Variants in SUCLG2 observed in about 807,000 individuals in gnomAD.
SUCLG2 encodes the protein succinate--CoA ligase [GDP-forming] subunit beta, mitochondrial.
In SUCLG2, 42 loss-of-function variants were observed where a neutral mutation model predicts 47.9. That is an observed-to-expected ratio of 0.88 (90% CI 0.69 to 1.14). The LOEUF (loss-of-function observed/expected upper bound fraction) is 1.14, where lower values mean the gene tolerates loss of function less well. SUCLG2 is among the 50% of genes most tolerant of loss of function. The probability of loss-of-function intolerance (pLI) is 0.00; values close to 1 mark genes in which losing one functional copy is unlikely to be tolerated. For synonymous variants in SUCLG2, 195 were observed against 197.3 expected, an observed-to-expected ratio of 0.99 and a Z score of 0.10; for missense variants, 571 against 525.9, an observed-to-expected ratio of 1.09 and a Z score of -0.84.
intron 1 of SUCLG2, among the ~76,000 whole-genome samples, chr3:67,622,866 C>T (rs1388991847): frequency 1.3e-5 from 2 of 152,166 alleles, no homozygotes; most frequent in African/African-American, 4.8e-5. Flanking sequence ...AGCACCCATC[C>T]CTGTGCTTAG....
intron 1 of SUCLG2, among the ~76,000 whole-genome samples, chr3:67,639,760 C>T (rs1303100732): frequency 6.6e-6 from 1 of 152,106 alleles, no homozygotes; most frequent in African/African-American, 2.4e-5. Flanking sequence ...TCTCTAAACC[C>T]CTTTGAGTTT....
intron 9 of SUCLG2, among the ~76,000 whole-genome samples, chr3:67,486,170 T>C (rs1159906628): frequency 1.3e-5 from 2 of 151,870 alleles, no homozygotes; most frequent in Non-Finnish European, 2.9e-5. Context: ...GAGGCTGAGG[T>C]GGGAGGATCT....
intron 10 of SUCLG2, among the ~76,000 whole-genome samples, chr3:67,364,230 T>C (rs1252521058): frequency 6.6e-6 from 1 of 152,110 alleles, no homozygotes; most frequent in East Asian, 1.9e-4. Context: ...GCCTGGGTGG[T>C]ATTAGAAAGG....
chr3:67,494,653 A>G (rs188066732), intron 9 of SUCLG2, among the ~76,000 whole-genome samples: 1 of 152,288 alleles, frequency 6.6e-6, no homozygotes, highest in East Asian at 1.9e-4. Context: ...AAAATTAAAG[A>G]AAAAGTTTTA....
intron 1 of SUCLG2, among the ~76,000 whole-genome samples, chr3:67,638,470 C>T (rs552212767): frequency 2.6e-5 from 4 of 152,316 alleles, no homozygotes; most frequent in African/African-American, 4.8e-5. Context: ...GGGCAGCACA[C>T]AGCTGAATGC....
chr3:67,609,756 A>T (rs1283118168), intron 1 of SUCLG2, among the ~76,000 whole-genome samples, 160 bp from the exon 2 acceptor site: 1 of 152,204 alleles, frequency 6.6e-6, no homozygotes, highest in Non-Finnish European at 1.5e-5. Context: ...TTCATGCCTA[A>T]TTATTTTTTA....
chr3:67,410,799 CTT>C (rs748362502), intron 9 of SUCLG2, among the ~76,000 whole-genome samples: 1 of 152,130 alleles, frequency 6.6e-6, no homozygotes, highest in Non-Finnish European at 1.5e-5. Flanking sequence ...AGAATTGACT[CTT>C]CAGAAATATT....
intron 9 of SUCLG2, among the ~76,000 whole-genome samples, chr3:67,434,788 T>C (rs1703575756): frequency 6.6e-6 from 1 of 152,204 alleles, no homozygotes; most frequent in African/African-American, 2.4e-5. Flanking sequence ...CATAGCAACA[T>C]GAGATGCAAT....
chr3:67,625,759 C>T (rs888717129), intron 1 of SUCLG2, among the ~76,000 whole-genome samples: 2 of 152,156 alleles, frequency 1.3e-5, no homozygotes, highest in Non-Finnish European at 2.9e-5. Context: ...ATCTGCTGAA[C>T]ACCAAGTATC....
intron 2 of SUCLG2, among the ~76,000 whole-genome samples, chr3:67,557,800 A>G (rs1707200730): frequency 6.6e-6 from 1 of 152,202 alleles, no homozygotes; most frequent in African/African-American, 2.4e-5. Flanking sequence ...AGTGTTTCTA[A>G]GAGTTCCACA....
In SUCLG2 at chr3:67,487,499, T is replaced by TACAC. The variant is rs143841918; in HGVS notation, c.1062+8295_1062+8298dup. Among the ~76,000 whole-genome samples the TACAC allele has an allele frequency of 2.7e-4, 40 of 149,902 alleles. No homozygotes were observed. In the East Asian group the frequency reaches 2.8e-3, roughly 10 times the overall value. On this transcript the variant is annotated intron_variant, in intron 9 of 10. Coordinates refer to ENST00000307227, the MANE Select transcript of SUCLG2 (RefSeq NM_003848.4). Reference sequence around the variant, plus strand: ...ATTCCCTTGATCTCAAACACACATATACACACACACACACACACAAACACA... The same window carrying TACAC: ...ATTCCCTTGATCTCAAACACACATATACACACACACACACACACACACAAACACA...
At chr3:67,468,544 T>C (rs921575299) in intron 9 of SUCLG2, among the ~76,000 whole-genome samples, 3 of 152,208 alleles carry the variant, frequency 2.0e-5, no homozygotes, top group East Asian at 1.9e-4. Context: ...GAGACCACCA[T>C]GCTATGAAAA....
At chr3:67,390,651 G>A (rs2106788477) in intron 10 of SUCLG2, among the ~76,000 whole-genome samples, 1 of 142,258 alleles carries the variant, frequency 7.0e-6, no homozygotes, top group South Asian at 2.2e-4. Flanking sequence ...CTGAAATGAG[G>A]GTTTTTTTTT....
At chr3:67,649,113 G>A (rs1180838375) in intron 1 of SUCLG2, among the ~76,000 whole-genome samples, 1 of 152,198 alleles carries the variant, frequency 6.6e-6, no homozygotes, top group Non-Finnish European at 1.5e-5. Context: ...AAGAATCAAC[G>A]TTGAATCAGA....
chr3:67,607,145 T>A lies in SUCLG2; in HGVS notation c.226+2310A>T, dbSNP rs558147257. On this transcript the variant is annotated intron_variant, in intron 2 of 10. Transcript: ENST00000307227. ...TATTTTTAGTGGGAAATAACTGCAT[T>A]CCCAAGGCTGAAGGATGCACATGCA... Among the ~76,000 whole-genome samples, 12 of 152,252 alleles carry A rather than the reference T, an allele frequency of 7.9e-5. No homozygotes were observed. In the East Asian group the frequency reaches 2.1e-3, roughly 27 times the overall value.
chr3:67,384,139 C>T (rs368719359), intron 10 of SUCLG2, among the ~76,000 whole-genome samples: 95 of 152,278 alleles, frequency 6.2e-4, no homozygotes, highest in African/African-American at 1.9e-3. Flanking sequence ...TCTGTCCTTA[C>T]GTGGGGAAAT....
intron 9 of SUCLG2, among the ~76,000 whole-genome samples, chr3:67,402,053 A>T (rs1240165968): frequency 6.6e-6 from 1 of 152,234 alleles, no homozygotes; most frequent in Non-Finnish European, 1.5e-5. Context: ...GGCTGTGGCC[A>T]GGCCCAAAGC....
At chr3:67,593,166 A>AT (rs1209181787) in intron 2 of SUCLG2, among the ~76,000 whole-genome samples, 1 of 152,200 alleles carries the variant, frequency 6.6e-6, no homozygotes, top group Non-Finnish European at 1.5e-5. Context: ...ATAATATATA[A>AT]TGTATTTGCA....
chr3:67,374,118 T>G (rs567398981), downstream of SUCLG2, among the ~76,000 whole-genome samples: 1 of 152,168 alleles, frequency 6.6e-6, no homozygotes, highest in Non-Finnish European at 1.5e-5. Context: ...TATAGGTTAT[T>G]TTTTTTACTG....
Sources: gnomAD v4.1 joint callset for allele counts (sites outside exome capture counted in the v4.1 genomes callset) on GRCh38, gnomAD v4.1.1 for gene constraint, MANE v1.5 for transcripts, NCBI Gene and HGNC (gene_info 2026-07-23, HGNC 2026-07-21) for gene names.